Variants in SRGAP3 observed in about 807,000 individuals in gnomAD.
SRGAP3 encodes SLIT-ROBO Rho GTPase activating protein 3, also known as SLIT-ROBO Rho GTPase-activating protein 3.
A neutral mutation model predicts 121.1 loss-of-function variants in SRGAP3; 39 were observed. The ratio of observed to expected loss-of-function variants is 0.32; its 90% CI spans 0.25 to 0.42. SRGAP3 has a LOEUF of 0.42. SRGAP3 is among the 10% of genes least tolerant of loss of function. SRGAP3 has a pLI of 1.00. For missense variants in SRGAP3, 1,213 were observed against 1,470.6 expected (o/e 0.82, Z 2.86); for synonymous variants, 601 against 570.0 (o/e 1.05, Z -0.77).
intron 3 of SRGAP3, among the ~76,000 whole-genome samples, chr3:9,255,745 T>G (rs1022060012): frequency 6.6e-6 from 1 of 152,004 alleles, no homozygotes; most frequent in Non-Finnish European, 1.5e-5. Flanking sequence ...TTGGGCAAAG[T>G]CAACGTGTGT....
intron 1 of SRGAP3, among the ~76,000 whole-genome samples, chr3:9,221,682 A>T (rs1048515291): frequency 7.2e-5 from 11 of 152,116 alleles, no homozygotes; most frequent in African/African-American, 2.2e-4. Flanking sequence ...CCCAGTCAGA[A>T]CTCTGCTTCC....
chr3:9,129,785 A>C (rs901995062), intron 1 of SRGAP3, among the ~76,000 whole-genome samples: 7 of 151,200 alleles, frequency 4.6e-5, no homozygotes, highest in African/African-American at 1.7e-4. Flanking sequence ...TTTTTGAGAC[A>C]GAGTCTTGCT....
At chr3:9,075,374 A>AGT (rs3067610) in intron 4 of SRGAP3, among the ~76,000 whole-genome samples, 21,855 of 145,148 alleles carry the variant, frequency 0.15, 2,233 homozygotes, top group African/African-American at 0.31. Context: ...CATGTATGCA[A>AGT]GTGTGTGTGT....
chr3:9,189,243 G>A (rs1154388), intron 1 of SRGAP3, among the ~76,000 whole-genome samples: 68,923 of 152,060 alleles, frequency 0.45, 16,010 homozygotes, highest in African/African-American at 0.51. Flanking sequence ...AGCCGGGGAT[G>A]AGATGTGTTC....
intron 21 of SRGAP3, among the ~76,000 whole-genome samples, chr3:8,987,043 A>G (rs1941754030): frequency 6.6e-6 from 1 of 152,274 alleles, no homozygotes; most frequent in African/African-American, 2.4e-5. Flanking sequence ...ATCTGTGGCC[A>G]GTTGCTGGCC....
intron 3 of SRGAP3, among the ~76,000 whole-genome samples, chr3:9,264,671 G>T (rs1329212154): frequency 6.6e-6 from 1 of 152,132 alleles, no homozygotes; most frequent in Non-Finnish European, 1.5e-5. Flanking sequence ...CGAGGGGTGT[G>T]AAAGACCTCT....
Position 9,320,426 on chromosome 3 carries a change from T to C in SRGAP3, n.442+5584A>G, listed in dbSNP as rs1955420468. Among the ~76,000 whole-genome samples the C allele has an allele frequency of 4.0e-5, 6 of 151,800 alleles. No individual in the cohort carries two copies. The South Asian group carries it at 1.2e-3, about 31-fold the overall frequency. ...TTAACACTATCCCCTTGGTGCTGGT[T>C]CTTGTGATAGTGAGTGAGTTATTCT... On this transcript the variant is annotated intron_variant and non_coding_transcript_variant, in intron 3 of 3. Coordinates refer to the SRGAP3 transcript ENST00000490889.
intron 3 of SRGAP3, among the ~76,000 whole-genome samples, chr3:9,270,993 T>C (rs540450999): frequency 1.3e-5 from 2 of 152,304 alleles, no homozygotes; most frequent in African/African-American, 4.8e-5. Context: ...TTTTCTTTCA[T>C]TGCCTGGGCT....
chr3:9,238,220 C>T (rs1953485799), intron 1 of SRGAP3, among the ~76,000 whole-genome samples: 1 of 152,126 alleles, frequency 6.6e-6, no homozygotes, highest in African/African-American at 2.4e-5. Flanking sequence ...CAGGCTAGGC[C>T]AGGATGGAGG....
intron 3 of SRGAP3, among the ~76,000 whole-genome samples, chr3:9,081,510 T>C (rs1453935320): frequency 1.3e-5 from 2 of 152,242 alleles, no homozygotes; most frequent in African/African-American, 2.4e-5. Context: ...CACTGCTAGA[T>C]GCTATGCTAA....
intron 1 of SRGAP3, among the ~76,000 whole-genome samples, chr3:9,136,025 C>T (rs1021444519): frequency 2.1e-4 from 32 of 152,356 alleles, no homozygotes; most frequent in African/African-American, 7.5e-4. Context: ...ACCAGGCACG[C>T]TGGGCACCGA....
At chr3:9,058,227 C>T in intron 7 of SRGAP3, 24 bp downstream of exon 7, 1 of 1,611,312 alleles carries the variant, frequency 6.2e-7, no homozygotes, top group Non-Finnish European at 8.5e-7. Flanking sequence ...CAGCCCCAAG[C>T]CCGGGCTCCA....
At chr3:9,295,646 CAT>C (rs34322819) in intron 3 of SRGAP3, among the ~76,000 whole-genome samples, 64,604 of 151,852 alleles carry the variant, frequency 0.43, 14,227 homozygotes, top group Non-Finnish European at 0.48. Flanking sequence ...ATACACATAA[CAT>C]AAATTTTACC....
chr3:9,054,083 G>A (rs1945708372), intron 8 of SRGAP3, among the ~76,000 whole-genome samples: 2 of 152,176 alleles, frequency 1.3e-5, no homozygotes, highest in Non-Finnish European at 2.9e-5. Flanking sequence ...TATTTTCCAA[G>A]CTCATTCATT....
intron 1 of SRGAP3, among the ~76,000 whole-genome samples, chr3:9,339,320 AAAG>A (rs1193991922): frequency 6.6e-6 from 1 of 152,242 alleles, no homozygotes; most frequent in Non-Finnish European, 1.5e-5. Flanking sequence ...CACAGTGGCA[AAAG>A]AAGCAGGCAT....
chr3:9,026,896 T>C (rs776628355), intron 13 of SRGAP3, 39 bp downstream of exon 13: 8 of 1,606,392 alleles, frequency 5.0e-6, no homozygotes, highest in Non-Finnish European at 6.8e-6. Context: ...GCACCTGTTC[T>C]GCAGATTGCT....
At chr3:9,038,612 GC>G (rs1944882575) in intron 10 of SRGAP3, among the ~76,000 whole-genome samples, 1 of 152,218 alleles carries the variant, frequency 6.6e-6, no homozygotes, top group African/African-American at 2.4e-5. Context: ...CCACCCTGCT[GC>G]CCTGCCTCTG....
At chr3:9,045,190 T>TAAAA (rs143656763) in intron 10 of SRGAP3, among the ~76,000 whole-genome samples, 6 of 144,728 alleles carry the variant, frequency 4.1e-5, no homozygotes, top group Non-Finnish European at 7.6e-5. Flanking sequence ...AAAGTTTACT[T>TAAAA]TAAAAAAAAA....
chr3:9,300,886 G>A (rs1283056283), intron 3 of SRGAP3, among the ~76,000 whole-genome samples: 1 of 152,138 alleles, frequency 6.6e-6, no homozygotes, highest in Non-Finnish European at 1.5e-5. Flanking sequence ...GCTATGCTGA[G>A]GTTGAGAAGT....
Sources: allele counts gnomAD v4.1 joint callset (sites outside exome capture counted in the v4.1 genomes callset), GRCh38; gene constraint gnomAD v4.1.1; transcripts MANE v1.5; gene names NCBI Gene and HGNC (gene_info 2026-07-23, HGNC 2026-07-21).